The following TENM2 variants were observed in gnomAD, a reference collection of about 807,000 sequenced individuals.
The protein encoded by TENM2 is teneurin transmembrane protein 2.
In TENM2, 52 loss-of-function variants were observed where a neutral mutation model predicts 245.2. That is an observed-to-expected ratio of 0.21 (90% confidence interval 0.17 to 0.27). The LOEUF (loss-of-function observed/expected upper bound fraction) is 0.27, where lower values mean the gene tolerates loss of function less well. Among genes scored for constraint, TENM2 ranks in the 10% least tolerant of loss-of-function variants. The pLI is 1.00. For missense variants in TENM2, 3,046 were observed against 3,666.8 expected (o/e 0.83, Z 4.37); for synonymous variants, 1,363 against 1,438.9 (o/e 0.95, Z 1.19).
chr5:167,672,968 A>G (rs1207753976), intron 2 of TENM2, among the ~76,000 whole-genome samples: 3 of 151,722 alleles, frequency 2.0e-5, no homozygotes, highest in African/African-American at 7.3e-5. Flanking sequence ...AAGAGGAGCC[A>G]TGCCAGTTTC....
At chr5:167,737,209 G>C (rs1373250781) in intron 2 of TENM2, among the ~76,000 whole-genome samples, 1 of 152,196 alleles carries the variant, frequency 6.6e-6, no homozygotes, top group East Asian at 1.9e-4. Context: ...AGTGATCATT[G>C]TCTGGTTGGC....
Position 167,775,173 on chromosome 5 carries a change from G to A in TENM2, c.503-100813G>A, listed in dbSNP as rs187494702. Among the ~76,000 whole-genome samples, 82 of 152,154 alleles carry A rather than the reference G, an allele frequency of 5.4e-4. 1 individual carries two copies. In the East Asian group the frequency reaches 0.015, roughly 28 times the overall value. ...AGTAGAGACGGGGTTTCTCCATGTT[G>A]GCCAGGCTGGTCTGGAACTCCCAAC... On this transcript the variant is annotated intron_variant, in intron 2 of 28. Transcript: ENST00000518659.
intron 3 of TENM2, among the ~76,000 whole-genome samples, chr5:167,906,915 A>T (rs926725944): frequency 2.0e-5 from 3 of 152,198 alleles, no homozygotes; most frequent in African/African-American, 7.2e-5. Flanking sequence ...TCCATCCTGG[A>T]TGATGCAGCA....
chr5:167,500,705 G>A (rs1322279496), intron 2 of TENM2, among the ~76,000 whole-genome samples: 1 of 152,120 alleles, frequency 6.6e-6, no homozygotes, highest in East Asian at 1.9e-4. Flanking sequence ...GTTTCTAGCT[G>A]TATCTAGAAG....
Position 168,130,894 on chromosome 5 carries a change from A to C in TENM2, c.2422+3928A>C, listed in dbSNP as rs1337191987. On this transcript the variant is annotated intron_variant, in intron 12 of 28. Transcript: ENST00000518659. The stretch of plus-strand genomic sequence containing the variant: ...GACAGAGCGAGATCCTGTCTCAAAA[A>C]AAATACTGGTACCTAACATCAAAAG... 2.6e-5 allele frequency among the ~76,000 whole-genome samples: 4 copies of C among 152,194 alleles called. No homozygotes were observed. The East Asian group carries it at 7.7e-4, about 29-fold the overall frequency.
chr5:167,364,932 T>A (rs539741162), intron 1 of TENM2, among the ~76,000 whole-genome samples: 1 of 152,104 alleles, frequency 6.6e-6, no homozygotes, highest in Admixed American at 6.5e-5. Context: ...ATATAGAGAA[T>A]TTGAAAAACG....
the TENM2 span, among the ~76,000 whole-genome samples, chr5:167,181,121 A>G: frequency 6.6e-6 from 1 of 151,892 alleles, no homozygotes; most frequent in Non-Finnish European, 1.5e-5. Flanking sequence ...AGGAATAACC[A>G]TGGTATATAC....
intron 2 of TENM2, among the ~76,000 whole-genome samples, chr5:167,454,077 A>T (rs1312321100): frequency 6.6e-6 from 1 of 152,192 alleles, no homozygotes; most frequent in Non-Finnish European, 1.5e-5. Context: ...CTTGTAAATC[A>T]TCAGTGCCCA....
At chr5:167,921,254 T>C (rs1777348638) in intron 3 of TENM2, among the ~76,000 whole-genome samples, 1 of 152,222 alleles carries the variant, frequency 6.6e-6, no homozygotes, top group Non-Finnish European at 1.5e-5. Flanking sequence ...ATTTATTACA[T>C]TTGGATGTGC....
the TENM2 span, among the ~76,000 whole-genome samples, chr5:167,201,667 T>C: frequency 1.3e-5 from 2 of 152,214 alleles, no homozygotes; most frequent in African/African-American, 4.8e-5. Context: ...TCTCTCTTCA[T>C]TTTGAGCTTG....
At chr5:167,099,666 G>A in the TENM2 span, among the ~76,000 whole-genome samples, 4 of 152,274 alleles carry the variant, frequency 2.6e-5, no homozygotes, top group South Asian at 6.2e-4. Context: ...TTGCACTCTA[G>A]CCTGGGCAAC....
At chr5:168,190,969 A>G (rs1269080392) in intron 14 of TENM2, 1 of 157,414 alleles carries the variant, frequency 6.4e-6, no homozygotes, top group Non-Finnish European at 1.4e-5. Flanking sequence ...ATAACCTATC[A>G]TTTGGTGGCA....
chr5:167,609,234 A>G (rs1474232053), intron 2 of TENM2, among the ~76,000 whole-genome samples: 1 of 152,122 alleles, frequency 6.6e-6, no homozygotes, highest in Non-Finnish European at 1.5e-5. Flanking sequence ...AACAAAACTG[A>G]GAATGAGAAA....
At chr5:167,880,524 C>T (rs28547994) in intron 3 of TENM2, among the ~76,000 whole-genome samples, 3 of 152,020 alleles carry the variant, frequency 2.0e-5, no homozygotes, top group East Asian at 3.9e-4. Context: ...AAAGAAGATG[C>T]ATAATACCCC....
chr5:168,091,582 T>C (rs1792943159), intron 8 of TENM2, among the ~76,000 whole-genome samples: 1 of 152,226 alleles, frequency 6.6e-6, no homozygotes, highest in South Asian at 2.1e-4. Context: ...ACAATAATAA[T>C]TGATCCTGGG....
At chr5:167,503,472 C>T (rs986872878) in intron 2 of TENM2, among the ~76,000 whole-genome samples, 2 of 148,112 alleles carry the variant, frequency 1.4e-5, no homozygotes, top group South Asian at 4.3e-4. Context: ...GTGATGATGG[C>T]AATGTGAAAG....
At chr5:167,453,491 A>G (rs1489673094) in intron 2 of TENM2, among the ~76,000 whole-genome samples, 1 of 152,216 alleles carries the variant, frequency 6.6e-6, no homozygotes, top group East Asian at 1.9e-4. Context: ...AATAAAAGAC[A>G]GGAAACTTGT....
chr5:167,744,521 A>G (rs1281249593), intron 2 of TENM2, among the ~76,000 whole-genome samples: 1 of 152,174 alleles, frequency 6.6e-6, no homozygotes, highest in Non-Finnish European at 1.5e-5. Flanking sequence ...AGTTCAGAAA[A>G]AGGAAAATGC....
At chr5:167,462,362 C>T (rs866622217) in intron 2 of TENM2, among the ~76,000 whole-genome samples, 29 of 152,108 alleles carry the variant, frequency 1.9e-4, no homozygotes, top group African/African-American at 7.0e-4. Context: ...ACATCTGAAG[C>T]CCCAGTGGGC....
Sources: gnomAD v4.1 joint callset for allele counts (sites outside exome capture counted in the v4.1 genomes callset) on GRCh38, gnomAD v4.1.1 for gene constraint, MANE v1.5 for transcripts, NCBI Gene and HGNC (gene_info 2026-07-23, HGNC 2026-07-21) for gene names.